The following SLC30A10 variants were observed in gnomAD, a reference collection of about 807,000 sequenced individuals.
SLC30A10 encodes solute carrier family 30 member 10, also known as calcium/manganese antiporter SLC30A10.
A neutral mutation model predicts 21.7 loss-of-function variants in SLC30A10; 8 were observed. The observed-to-expected ratio is 0.37, with a 90% CI of 0.22 to 0.67. The LOEUF is 0.67. Ranked by LOEUF, SLC30A10 falls within the 30% of genes least tolerant of loss-of-function variation. SLC30A10 has a pLI of 0.58. For missense variants in SLC30A10, 521 were observed against 642.5 expected, an observed-to-expected ratio of 0.81 and a Z score of 2.04; for synonymous variants, 272 against 279.4, an observed-to-expected ratio of 0.97 and a Z score of 0.26.
In SLC30A10 at chr1:219,940,541, C is replaced by T. The variant is rs58429884; in HGVS notation, n.81-13436G>A. Reference sequence around the variant, plus strand: ...TTATAGAGTAACTGGAAGGGAGAACCACCATGTGAAAGATTGGGAAGCCGT... The same window carrying T: ...TTATAGAGTAACTGGAAGGGAGAACTACCATGTGAAAGATTGGGAAGCCGT... On this transcript the variant is annotated intron_variant and non_coding_transcript_variant, in intron 1 of 8. Coordinates refer to the SLC30A10 transcript ENST00000484239. Among the ~76,000 whole-genome samples, 24 of 152,258 alleles carry T rather than the reference C, an allele frequency of 1.6e-4. No homozygotes were observed. The East Asian group carries it at 3.9e-3, about 24-fold the overall frequency.
chr1:219,921,334 G>T (rs888560592), intron 2 of SLC30A10, among the ~76,000 whole-genome samples: 1 of 152,060 alleles, frequency 6.6e-6, no homozygotes, highest in Non-Finnish European at 1.5e-5. Flanking sequence ...GGAAACTGAG[G>T]CACAGAATAC....
chr1:219,931,319 A>G (rs148078749), upstream of SLC30A10, among the ~76,000 whole-genome samples: 721 of 152,300 alleles, frequency 4.7e-3, 7 homozygotes, highest in African/African-American at 0.017. Flanking sequence ...AGGAGCTGGA[A>G]GTGGCAGAGG....
In SLC30A10 at chr1:219,927,903, C is replaced by T. The variant is rs911271635; in HGVS notation, c.538G>A (p.Ala180Thr). The T allele has an allele frequency of 9.1e-6, 14 of 1,538,756 alleles. No homozygotes were observed. Among genetic ancestry groups the T allele is most frequent in the Non-Finnish European group, 1.1e-5 (13 of 1,142,644 alleles). Residue 180 changes from alanine to threonine, a missense_variant, in exon 1 of 4, where the codon GCG (alanine) becomes ACG (threonine). Coordinates refer to ENST00000366926, the MANE Select transcript of SLC30A10 (RefSeq NM_018713.3). ...TCCGAGCCTGGGGCTGTCGGGTCCG[C>T]CGCGCGCCGCGGGTCCTCCGCGCCC... Reference protein sequence around the residue: ...PQGAEDPRRAADPTAPGSDSA... With the variant: ...PQGAEDPRRATDPTAPGSDSA...
chr1:219,942,535 T>A (rs1039815751), intron 1 of SLC30A10, among the ~76,000 whole-genome samples: 1 of 152,244 alleles, frequency 6.6e-6, no homozygotes, highest in African/African-American at 2.4e-5. Flanking sequence ...AAGTTGAAAC[T>A]ATAATGTGGT....
chr1:219,955,459 G>C (rs1016385053), intron 1 of SLC30A10, among the ~76,000 whole-genome samples: 1 of 151,912 alleles, frequency 6.6e-6, no homozygotes, highest in South Asian at 2.1e-4. Flanking sequence ...TTCTTTTCTC[G>C]CAGGTTTTAA....
At chr1:219,941,694 C>T (rs1300726705) in intron 1 of SLC30A10, among the ~76,000 whole-genome samples, 2 of 149,242 alleles carry the variant, frequency 1.3e-5, no homozygotes, top group Non-Finnish European at 3.0e-5. Context: ...CCCTTTCTCT[C>T]TCTCTCTCTC....
At position 219,927,094 on chromosome 1, in the gene SLC30A10, T is replaced by G; in HGVS notation, c.652A>C (p.Asn218His). The G allele has an allele frequency of 6.2e-7, 1 of 1,614,082 alleles. No homozygotes were observed. The highest frequency in any genetic ancestry group is 8.5e-7 in the Non-Finnish European group (1 of 1,179,992). The part of the protein sequence containing the change: ...VFANVAGDSF[N>H]TQNEPEDMMK... Reference sequence around the variant, plus strand: ...ATGTCTTCTGGCTCATTCTGGGTGTTGAAGGAATCACCTGCATTCAAAGAA... The same window carrying G: ...ATGTCTTCTGGCTCATTCTGGGTGTGGAAGGAATCACCTGCATTCAAAGAA... The change falls in exon 2 of 4, where the codon AAC becomes CAC. Residue 218 changes from asparagine (N) to histidine (H), a missense_variant. Coordinates refer to ENST00000366926, the MANE Select transcript of SLC30A10 (RefSeq NM_018713.3).
At chr1:219,929,607 G>A (rs777467679), upstream of SLC30A10, among the ~76,000 whole-genome samples, 1 of 151,738 alleles carries the variant, frequency 6.6e-6, no homozygotes, top group Non-Finnish European at 1.5e-5. Context: ...TGCAACCTCC[G>A]CCTCTCGGAT....
chr1:219,920,470 C>T (rs1259205831), intron 2 of SLC30A10, among the ~76,000 whole-genome samples: 1 of 152,150 alleles, frequency 6.6e-6, no homozygotes, highest in African/African-American at 2.4e-5. Flanking sequence ...AGGTCCATTT[C>T]CTCCGTAAGT....
intron 1 of SLC30A10, among the ~76,000 whole-genome samples, chr1:219,934,956 A>G (rs1202726687): frequency 1.3e-5 from 2 of 152,184 alleles, no homozygotes; most frequent in Admixed American, 6.5e-5. Context: ...CACGAAAATG[A>G]AAGGGGTTAT....
At chr1:219,942,445 C>T (rs926699025) in intron 1 of SLC30A10, among the ~76,000 whole-genome samples, 10 of 152,130 alleles carry the variant, frequency 6.6e-5, no homozygotes, top group Admixed American at 3.3e-4. Flanking sequence ...AACAAAAACC[C>T]GCTGCCCCAA....
chr1:219,942,826 C>T (rs1286665754), intron 1 of SLC30A10, among the ~76,000 whole-genome samples: 1 of 152,204 alleles, frequency 6.6e-6, no homozygotes, highest in Non-Finnish European at 1.5e-5. Context: ...GGGAGGATCA[C>T]TTGAGGTCAG....
chr1:219,957,657 G>C lies in SLC30A10; in HGVS notation n.80+911C>G, dbSNP rs555089872. ...AGAAACATGCTAGGTGAAGTAAGTT[G>C]ACTATTGCCCTGTGCTGGAACCATA... is the stretch of plus-strand genomic sequence containing the variant. On this transcript the variant is annotated intron_variant and non_coding_transcript_variant, in intron 1 of 8. Coordinates refer to the SLC30A10 transcript ENST00000484239. 1.5e-4 allele frequency among the ~76,000 whole-genome samples: 23 copies of C among 152,214 alleles called. No individual in the cohort carries two copies. The South Asian group carries it at 4.8e-3, about 32-fold the overall frequency.
intron 1 of SLC30A10, among the ~76,000 whole-genome samples, chr1:219,952,031 T>A (rs1158716847): frequency 1.3e-5 from 2 of 152,194 alleles, no homozygotes; most frequent in Non-Finnish European, 2.9e-5. Flanking sequence ...TGTAACCATA[T>A]ATATGATTAA....
At chr1:219,936,281 G>A (rs1660043469) in intron 1 of SLC30A10, among the ~76,000 whole-genome samples, 1 of 152,030 alleles carries the variant, frequency 6.6e-6, no homozygotes, top group Non-Finnish European at 1.5e-5. Flanking sequence ...GATAATGAAG[G>A]TACAAATATA....
At chr1:219,956,853 G>A (rs1044363436) in intron 1 of SLC30A10, among the ~76,000 whole-genome samples, 6 of 152,036 alleles carry the variant, frequency 3.9e-5, no homozygotes, top group African/African-American at 1.4e-4. Flanking sequence ...TGTGTACCAA[G>A]TTTCATACTG....
chr1:219,928,456 G>A lies in SLC30A10; in HGVS notation c.-16C>T, dbSNP rs1021047363. ...AGCGGCCCATCTCGCCACCAGCCCC[G>A]GGCGCCCGGCGCCGCCCAGGGGAGC... On this transcript the variant is annotated 5_prime_UTR_variant, in exon 1 of 4. Coordinates refer to ENST00000366926, the MANE Select transcript of SLC30A10 (RefSeq NM_018713.3). This position sits in a 1 kb window ranked among gnomAD's most constrained non-coding sequence, Gnocchi z 6.3. The A allele has an allele frequency of 6.9e-6, 11 of 1,589,842 alleles. No individual in the cohort carries two copies. The African/African-American group carries it at 1.2e-4, about 18-fold the overall frequency.
Position 219,928,168 on chromosome 1 carries a change from C to A in SLC30A10, c.273G>T (p.Ala91=), listed in dbSNP as rs768453360. ...CCTCCACGAAGATGGTGAAGCAGAG[C>A]GCGGTGAGGAAGACCGCGTTGCTCA... The part of the protein sequence containing the change: ...GALSNAVFLT[A]LCFTIFVEAV... Residue 91 remains alanine, a synonymous_variant, in exon 1 of 4, where the codon GCG becomes GCT. Coordinates refer to ENST00000366926, the MANE Select transcript of SLC30A10 (RefSeq NM_018713.3). This position sits in a 1 kb window ranked among gnomAD's most constrained non-coding sequence, Gnocchi z 6.3. 2 of 1,559,858 alleles carry A rather than the reference C, an allele frequency of 1.3e-6. No homozygotes were observed. Among genetic ancestry groups the A allele is most frequent in the Admixed American group, 3.9e-5 (2 of 51,718 alleles).
At chr1:219,927,692 C>CAAAAA in intron 1 of SLC30A10, 109 bp downstream of exon 1, 1 of 400,620 alleles carries the variant, frequency 2.5e-6, no homozygotes, top group Non-Finnish European at 3.5e-6. Context: ...AAAAAAAAAA[C>CAAAAA]AGAAAAAAAG....
Sources: allele counts gnomAD v4.1 joint callset (sites outside exome capture counted in the v4.1 genomes callset), GRCh38; gene constraint gnomAD v4.1.1; non-coding constraint Gnocchi (gnomAD v3.1); transcripts MANE v1.5; gene names NCBI Gene and HGNC (gene_info 2026-07-23, HGNC 2026-07-21).